The following ZNF490 variants were observed in gnomAD, a reference collection of about 807,000 sequenced individuals.
The protein encoded by ZNF490 is zinc finger protein 490.
Under a neutral mutation model 17.7 loss-of-function variants are expected in ZNF490, and 11 were observed. The observed-to-expected ratio is 0.62, with a 90% confidence interval of 0.39 to 1.03. The LOEUF is 1.03. Ranked by LOEUF, ZNF490 falls within the 50% of genes least tolerant of loss-of-function variation. The probability of loss-of-function intolerance (pLI) is 0.00; values close to 1 mark genes in which losing one functional copy is unlikely to be tolerated. For missense variants in ZNF490, 542 were observed against 643.4 expected (o/e 0.84, Z 1.71); for synonymous variants, 222 against 216.1 (o/e 1.03, Z -0.24).
At chr19:12,598,899 A>C (rs1286069487) in intron 2 of ZNF490, among the ~76,000 whole-genome samples, 1 of 151,644 alleles carries the variant, frequency 6.6e-6, no homozygotes, top group African/African-American at 2.4e-5. Flanking sequence ...AGGCAGGAAA[A>C]TAGCTTGAAC....
rs558310205 is a variant in ZNF490, at chr19:12,578,550, A to G, written c.*1935T>C. ...GGGAAATGGAGCTGGAGATGACCTCAAAACAGCCCTGGAATAATGCAATGC... is the reference window on the plus strand; with the variant it reads ...GGGAAATGGAGCTGGAGATGACCTCGAAACAGCCCTGGAATAATGCAATGC... On this transcript the variant is annotated 3_prime_UTR_variant, in exon 5 of 5. Coordinates refer to ENST00000311437, the MANE Select transcript of ZNF490 (RefSeq NM_020714.3). 3 of 985,484 alleles carry G rather than the reference A, an allele frequency of 3.0e-6. No individual in the cohort carries two copies. Among genetic ancestry groups the G allele is most frequent in the East Asian group, 2.3e-4 (2 of 8,820 alleles). 61.0% of individuals were successfully genotyped at this position (985,484 alleles called of 1,614,324 possible).
rs145052238 is a variant in ZNF490, at chr19:12,580,061, C to G, written c.*424G>C. 1.1e-4 allele frequency: 87 copies of G among 826,398 alleles called. No homozygotes were observed. In the East Asian group the frequency reaches 8.7e-3, roughly 83 times the overall value. 51.2% of individuals were successfully genotyped at this position (826,398 alleles called of 1,614,324 possible). A position where few individuals can be genotyped will look rare whatever the true frequency, so the allele number is the denominator to read the frequency against. On this transcript the variant is annotated 3_prime_UTR_variant, in exon 5 of 5. Coordinates refer to ENST00000311437, the MANE Select transcript of ZNF490 (RefSeq NM_020714.3). Reference sequence around the variant, plus strand: ...GGCGGAGGTTGCGGTGAGCCGCGATCGCACCACTGCACTCCAGCCTGGGCA... The same window carrying G: ...GGCGGAGGTTGCGGTGAGCCGCGATGGCACCACTGCACTCCAGCCTGGGCA...
intron 2 of ZNF490, among the ~76,000 whole-genome samples, chr19:12,600,205 A>G (rs1462500012): frequency 6.6e-6 from 1 of 151,968 alleles, no homozygotes; most frequent in East Asian, 1.9e-4. Context: ...TACTAAAAAA[A>G]AAACACAAAA....
chr19:12,583,756 G>GCTCTCTCT lies in ZNF490; in HGVS notation c.163-208_163-201dup, dbSNP rs1195574032. ...ATCGTGAACATACAAAAATTATTGC[G>GCTCTCTCT]CTCTCTCTCTCTCTCTCTCTCTCTC... On this transcript the variant is annotated intron_variant, in intron 2 of 4. Transcript: ENST00000311437. Among the ~76,000 whole-genome samples the GCTCTCTCT allele has an allele frequency of 5.3e-3, 157 of 29,614 alleles. 1 individual carries two copies. The highest frequency in any genetic ancestry group is 0.023 in the South Asian group (22 of 956). 19.4% of individuals were successfully genotyped at this position (29,614 alleles called of 152,430 possible).
In ZNF490 at chr19:12,580,521, G is replaced by A. The variant is rs3745652; in HGVS notation, c.1554C>T (p.His518=). The A allele has an allele frequency of 0.067, 107,425 of 1,609,690 alleles. 4,485 individuals carry two copies. Among genetic ancestry groups the A allele is most frequent in the Non-Finnish European group, 0.076 (90,000 of 1,177,772 alleles). The change falls in exon 5 of 5, where the codon CAC becomes CAT. Residue 518 remains histidine (H), a synonymous_variant. Coordinates refer to ENST00000311437, the MANE Select transcript of ZNF490 (RefSeq NM_020714.3). ...GKAFSYSKSL[H]VHERTHSRQK... The stretch of plus-strand genomic sequence containing the variant: ...GTCTACTATGAGTCCTTTCGTGCAC[G>A]TGCAAAGACTTTGAGTAACTGAAGG...
chr19:12,602,528 C>A (rs1599313020), intron 2 of ZNF490, among the ~76,000 whole-genome samples: 1 of 152,002 alleles, frequency 6.6e-6, no homozygotes, highest in East Asian at 1.9e-4. Flanking sequence ...CCAACCTGGG[C>A]AATAGAGCAA....
At chr19:12,600,963 G>A (rs577254444) in intron 2 of ZNF490, among the ~76,000 whole-genome samples, 91 of 151,496 alleles carry the variant, frequency 6.0e-4, no homozygotes, top group African/African-American at 2.1e-3. Context: ...GGTGGTGCAC[G>A]CCTGTAGCCC....
rs553249151 is a variant in ZNF490 at position 12,584,045 on chromosome 19, C to T, written c.163-489G>A. On this transcript the variant is annotated intron_variant, in intron 2 of 4. Transcript: ENST00000311437. ...CAAGATGGTTTCCATCTCCTGACCTCGTGATCCGCCCGCCTCGGCCTCCCA... is the reference window on the plus strand; with the variant it reads ...CAAGATGGTTTCCATCTCCTGACCTTGTGATCCGCCCGCCTCGGCCTCCCA... 7.3e-4 allele frequency among the ~76,000 whole-genome samples: 108 copies of T among 148,958 alleles called. 1 individual carries two copies. The South Asian group carries it at 0.021, about 29-fold the overall frequency.
intron 2 of ZNF490, among the ~76,000 whole-genome samples, chr19:12,602,934 G>A (rs1237636439): frequency 6.6e-6 from 1 of 152,038 alleles, no homozygotes; most frequent in Admixed American, 6.6e-5. Flanking sequence ...CCCCATCATG[G>A]GTTTTTCTTA....
Position 12,610,560 on chromosome 19 carries a change from G to C in ZNF490, c.117+4C>G. 2 of 1,611,770 alleles carry C rather than the reference G, an allele frequency of 1.2e-6. No individual in the cohort carries two copies. Among genetic ancestry groups the C allele is most frequent in the Middle Eastern group, 3.3e-4 (2 of 6,056 alleles). On this transcript the variant is annotated splice_donor_region_variant and intron_variant, in intron 1 of 4. Transcript: ENST00000311437. ...CTTACAACATTATGCCAAGCCCCTG[G>C]TACCTGGAGGACATCAGACCCTCCT...
chr19:12,586,873 C>T lies in ZNF490; in HGVS notation c.163-3317G>A, dbSNP rs1306647225. On this transcript the variant is annotated intron_variant, in intron 2 of 4. Coordinates refer to ENST00000311437, the MANE Select transcript of ZNF490 (RefSeq NM_020714.3). ...ACCTCTTGAGGTCAGGAGTTCAAGACCAGCCTGACCAACATGGAGAAACCC... is the reference window on the plus strand; with the variant it reads ...ACCTCTTGAGGTCAGGAGTTCAAGATCAGCCTGACCAACATGGAGAAACCC... 6.5e-5 allele frequency among the ~76,000 whole-genome samples: 6 copies of T among 92,114 alleles called. 1 individual carries two copies. Among genetic ancestry groups the T allele is most frequent in the East Asian group, 4.1e-4 (2 of 4,832 alleles). The allele number at this position is 92,114 out of a possible 152,430, so 60.4% of individuals were successfully genotyped here. A position where few individuals can be genotyped will look rare whatever the true frequency, so the allele number is the denominator to read the frequency against.
chr19:12,579,125 C>T lies in ZNF490; in HGVS notation c.*1360G>A, dbSNP rs549275387. 18 of 173,496 alleles carry T rather than the reference C, an allele frequency of 1.0e-4. No individual in the cohort carries two copies. The highest frequency in any genetic ancestry group is 3.8e-4 in the South Asian group (2 of 5,204). 10.7% of individuals were successfully genotyped at this position (173,496 alleles called of 1,614,324 possible). ...AAAATGAGCCGGGCGTGGTGGCGGG[C>T]GCCTGTAGTCCCAGCTACTCGGGAG... is the stretch of plus-strand genomic sequence containing the variant. On this transcript the variant is annotated 3_prime_UTR_variant, in exon 5 of 5. Transcript: ENST00000311437.
chr19:12,596,259 C>T (rs1016816294), intron 2 of ZNF490, among the ~76,000 whole-genome samples: 2 of 23,914 alleles, frequency 8.4e-5, no homozygotes, highest in East Asian at 2.9e-4. Flanking sequence ...AGAAAGACTC[C>T]GTCTCAAAAA....
At chr19:12,582,968 A>G (rs1670116984) in intron 3 of ZNF490, 58 bp from the exon 4 acceptor site, 1 of 1,379,488 alleles carries the variant, frequency 7.2e-7, no homozygotes, top group South Asian at 1.2e-5. Flanking sequence ...GAAAATTATA[A>G]CACTCTAAGA....
intron 2 of ZNF490, chr19:12,597,015 C>T: frequency 2.4e-6 from 1 of 423,104 alleles, no homozygotes; most frequent in South Asian, 1.7e-5. Flanking sequence ...CGCCTGAGGT[C>T]CCAGCTGCCG....
At chr19:12,599,020 G>T (rs1315220924) in intron 2 of ZNF490, among the ~76,000 whole-genome samples, 1 of 146,132 alleles carries the variant, frequency 6.8e-6, no homozygotes, top group Non-Finnish European at 1.5e-5. Context: ...GTGTGGTGGC[G>T]GGGTGCCTGT....
chr19:12,606,961 C>T (rs908690580), intron 2 of ZNF490, among the ~76,000 whole-genome samples: 2 of 152,106 alleles, frequency 1.3e-5, no homozygotes, highest in Non-Finnish European at 2.9e-5. Context: ...TGATTAGCCC[C>T]ACCCAATCAT....
At chr19:12,595,211 G>C (rs546722469) in intron 2 of ZNF490, among the ~76,000 whole-genome samples, 3 of 150,784 alleles carry the variant, frequency 2.0e-5, no homozygotes, top group African/African-American at 7.3e-5. Flanking sequence ...GTGTGATCTC[G>C]GCTCACCACA....
chr19:12,602,099 C>T (rs1036488352), intron 2 of ZNF490, among the ~76,000 whole-genome samples: 82 of 149,532 alleles, frequency 5.5e-4, no homozygotes, highest in South Asian at 1.5e-3. Context: ...CACACACACA[C>T]ACACACACAC....
Sources: allele counts gnomAD v4.1 joint callset (sites outside exome capture counted in the v4.1 genomes callset), GRCh38; gene constraint gnomAD v4.1.1; transcripts MANE v1.5; gene names NCBI Gene and HGNC (gene_info 2026-07-23, HGNC 2026-07-21).